Variants in RALGPS1 observed in about 807,000 individuals in gnomAD.
RALGPS1 encodes ras-specific guanine nucleotide-releasing factor RalGPS1.
A neutral mutation model predicts 78.8 loss-of-function variants in RALGPS1; 19 were observed. That is an observed-to-expected ratio of 0.24 (90% confidence interval 0.17 to 0.35). The LOEUF is 0.35. Among genes scored for constraint, RALGPS1 ranks in the 10% least tolerant of loss-of-function variants. The pLI, the probability that RALGPS1 is intolerant of heterozygous loss-of-function variation, is 1.00. For missense variants in RALGPS1, 454 were observed against 688.3 expected, an observed-to-expected ratio of 0.66 and a Z score of 3.81; for synonymous variants, 228 against 256.3, an observed-to-expected ratio of 0.89 and a Z score of 1.06.
intron 8 of RALGPS1, among the ~76,000 whole-genome samples, chr9:127,151,988 G>A (rs565034323): frequency 6.6e-6 from 1 of 152,146 alleles, no homozygotes; most frequent in African/African-American, 2.4e-5. Flanking sequence ...AATCTCCGCA[G>A]TATCTGCCTC....
intron 9 of RALGPS1, among the ~76,000 whole-genome samples, chr9:127,168,407 T>C (rs2059397007): frequency 6.6e-6 from 1 of 152,140 alleles, no homozygotes; most frequent in Non-Finnish European, 1.5e-5. Context: ...CAGCTCCTCC[T>C]TCCTGGCTAA....
intron 8 of RALGPS1, among the ~76,000 whole-genome samples, chr9:127,099,582 G>A (rs1371958689): frequency 3.9e-5 from 6 of 152,184 alleles, no homozygotes; most frequent in Admixed American, 2.6e-4. Context: ...ACACAGGGTC[G>A]GGGGATGGGG....
At chr9:126,958,620 T>C (rs2038591846) in intron 1 of RALGPS1, among the ~76,000 whole-genome samples, 1 of 152,248 alleles carries the variant, frequency 6.6e-6, no homozygotes, top group Admixed American at 6.5e-5. Flanking sequence ...TGCTGGATAG[T>C]GCTCCATCCT....
At chr9:126,958,142 A>AAATATATATATATATAT (rs113413659) in intron 1 of RALGPS1, among the ~76,000 whole-genome samples, 1 of 77,084 alleles carries the variant, frequency 1.3e-5, no homozygotes, top group Non-Finnish European at 2.8e-5. Flanking sequence ...AAAAAAAAAA[A>AAATATATATATATATAT]ATATATATAT....
At chr9:127,169,474 A>C (rs2059455375) in intron 10 of RALGPS1, among the ~76,000 whole-genome samples, 1 of 152,006 alleles carries the variant, frequency 6.6e-6, no homozygotes, top group Admixed American at 6.6e-5. Flanking sequence ...TTTTCGTGTT[A>C]ACTCTGTCTG....
At chr9:127,207,713 G>T (rs971101682) in intron 14 of RALGPS1, among the ~76,000 whole-genome samples, 35 of 152,190 alleles carry the variant, frequency 2.3e-4, no homozygotes, top group African/African-American at 7.7e-4. Flanking sequence ...GAGTTGCCCT[G>T]CCCAGCACGG....
rs117544201 is a variant in RALGPS1 at position 127,106,442 on chromosome 9, G to A, written c.610+37086G>A. Among the ~76,000 whole-genome samples the A allele has an allele frequency of 5.3e-4, 81 of 152,316 alleles. 1 individual carries two copies. The East Asian group carries it at 0.01, about 19-fold the overall frequency. Reference sequence around the variant, plus strand: ...GATCAAAGGAGGCTTGTAGTTTACCGTGGACCCAGCATTGTGCTAAACATG... The same window carrying A: ...GATCAAAGGAGGCTTGTAGTTTACCATGGACCCAGCATTGTGCTAAACATG... On this transcript the variant is annotated intron_variant, in intron 8 of 18. Coordinates refer to ENST00000259351, the MANE Select transcript of RALGPS1 (RefSeq NM_014636.3).
At chr9:127,023,978 A>C (rs1165232248) in intron 4 of RALGPS1, among the ~76,000 whole-genome samples, 1 of 140,686 alleles carries the variant, frequency 7.1e-6, no homozygotes, top group Non-Finnish European at 1.5e-5. Flanking sequence ...CGGAGGTTGC[A>C]GTAAGCTGAG....
intron 4 of RALGPS1, among the ~76,000 whole-genome samples, chr9:127,028,953 C>G (rs780943238): frequency 2.0e-5 from 3 of 152,020 alleles, no homozygotes; most frequent in Non-Finnish European, 2.9e-5. Flanking sequence ...CTCCTGAGAC[C>G]AGAGCCAGCC....
chr9:126,917,279 C>T (rs368743901), intron 1 of RALGPS1, among the ~76,000 whole-genome samples: 5 of 152,292 alleles, frequency 3.3e-5, no homozygotes, highest in East Asian at 1.9e-4. Context: ...GAGACTGCTG[C>T]TGTCTGAGTG....
chr9:127,038,099 T>TGTCACTC (rs1489653852), intron 5 of RALGPS1, among the ~76,000 whole-genome samples: 1 of 152,232 alleles, frequency 6.6e-6, no homozygotes, highest in African/African-American at 2.4e-5. Flanking sequence ...GTTGATACCT[T>TGTCACTC]GTCACTCTCA....
At chr9:127,182,591 A>G (rs1324461724) in intron 11 of RALGPS1, among the ~76,000 whole-genome samples, 3 of 151,768 alleles carry the variant, frequency 2.0e-5, no homozygotes, top group African/African-American at 2.4e-5. Flanking sequence ...CACCATGCCC[A>G]GCAAATTTTT....
At chr9:127,110,849 C>T (rs1389090120) in intron 8 of RALGPS1, among the ~76,000 whole-genome samples, 5 of 152,152 alleles carry the variant, frequency 3.3e-5, no homozygotes, top group Admixed American at 1.3e-4. Context: ...TGTTGCAACC[C>T]ACCTGCATCA....
intron 8 of RALGPS1, among the ~76,000 whole-genome samples, chr9:127,089,831 A>G (rs2052242542): frequency 1.3e-5 from 2 of 152,340 alleles, no homozygotes; most frequent in East Asian, 3.9e-4. Flanking sequence ...GGGGCAGTGC[A>G]CTCTGTGGCA....
intron 1 of RALGPS1, among the ~76,000 whole-genome samples, chr9:126,927,829 C>T (rs897047919): frequency 1.3e-5 from 2 of 152,168 alleles, no homozygotes; most frequent in Non-Finnish European, 2.9e-5. Context: ...GGCAGCTGAT[C>T]GGAACAGTTT....
At chr9:126,948,751 CT>C (rs2037518215) in intron 1 of RALGPS1, among the ~76,000 whole-genome samples, 1 of 151,948 alleles carries the variant, frequency 6.6e-6, no homozygotes, top group Non-Finnish European at 1.5e-5. Flanking sequence ...AACATAGGCG[CT>C]TCCCTTCCCC....
chr9:127,098,432 G>C (rs999458384), intron 8 of RALGPS1, among the ~76,000 whole-genome samples: 4 of 152,160 alleles, frequency 2.6e-5, no homozygotes, highest in African/African-American at 9.7e-5. Context: ...TTACATTCTT[G>C]GGGGAGCTGT....
chr9:127,101,686 T>A (rs955173934), intron 8 of RALGPS1, among the ~76,000 whole-genome samples: 2 of 152,132 alleles, frequency 1.3e-5, no homozygotes, highest in Non-Finnish European at 2.9e-5. Flanking sequence ...GCCTGGACAG[T>A]TTGTAGTGGT....
chr9:127,005,227 A>G (rs1276896553), intron 4 of RALGPS1, among the ~76,000 whole-genome samples: 3 of 152,230 alleles, frequency 2.0e-5, no homozygotes, highest in South Asian at 2.1e-4. Context: ...CCCAGCTCCT[A>G]TTGACATCTG....
Sources: allele counts gnomAD v4.1 joint callset (sites outside exome capture counted in the v4.1 genomes callset), GRCh38; gene constraint gnomAD v4.1.1; transcripts MANE v1.5; gene names NCBI Gene and HGNC (gene_info 2026-07-23, HGNC 2026-07-21).